The following LILRB2 variants were observed in gnomAD, a reference collection of about 807,000 sequenced individuals.
LILRB2 encodes the protein leukocyte immunoglobulin-like receptor subfamily B member 2.
In LILRB2, 47 loss-of-function variants were observed where a neutral mutation model predicts 72.7. The observed-to-expected ratio is 0.65, with a 90% confidence interval of 0.51 to 0.82. The LOEUF (loss-of-function observed/expected upper bound fraction) is 0.82. Ranked by LOEUF, LILRB2 falls within the 40% of genes least tolerant of loss-of-function variation. The probability of loss-of-function intolerance (pLI) is 0.00; values close to 1 mark genes in which losing one functional copy is unlikely to be tolerated. For missense variants in LILRB2, 767 were observed against 764.8 expected, an observed-to-expected ratio of 1.00 and a Z score of -0.03; for synonymous variants, 279 against 313.7, an observed-to-expected ratio of 0.89 and a Z score of 1.17.
intron 8 of LILRB2, 38 bp from the exon 9 acceptor site, chr19:54,277,635 C>T (rs750806441): frequency 4.5e-6 from 7 of 1,547,418 alleles, no homozygotes; most frequent in Admixed American, 2.0e-5. Context: ...GCTGGGGCTG[C>T]CCTGCTCCCC....
rs751018239 is a variant in LILRB2, at chr19:54,277,920, G to A, written c.1278C>T (p.Ser426=). ...TGGAGATGGGACCGGTGGGTGGGGG[G>A]CTGGAACCCATGGAGGGTCCTGGGT... ...LVVSGPSMGS[S]PPPTGPISTP... is the part of the protein sequence containing the mutation. Residue 426 remains serine, a synonymous_variant, in exon 8 of 14, where the codon AGC becomes AGT. Transcript: ENST00000314446. 15 of 1,538,880 alleles carry A rather than the reference G, an allele frequency of 9.7e-6. No homozygotes were observed. The South Asian group carries it at 1.6e-4, about 16-fold the overall frequency.
chr19:54,280,578 C>G, intron 1 of LILRB2, 34 bp from the exon 2 acceptor site: 1 of 1,564,126 alleles, frequency 6.4e-7, no homozygotes, highest in East Asian at 2.2e-5. Flanking sequence ...GAGAAATAGC[C>G]TCCCCTCCTT....
Position 54,273,866 on chromosome 19 carries a change from A to G in LILRB2, c.*817T>C, listed in dbSNP as rs1240260293. 2 of 151,674 alleles carry G rather than the reference A, an allele frequency of 1.3e-5. No individual in the cohort carries two copies. The highest frequency in any genetic ancestry group is 2.9e-5 in the Non-Finnish European group (2 of 67,942). The allele number at this position is 151,674 out of a possible 1,614,324, so 9.4% of individuals were successfully genotyped here. ...TACAGTCAATGTTTTTCACACACACACACACACACACACACACACATATAT... is the reference window on the plus strand; with the variant it reads ...TACAGTCAATGTTTTTCACACACACGCACACACACACACACACACATATAT... On this transcript the variant is annotated 3_prime_UTR_variant, in exon 14 of 14. Transcript: ENST00000314446.
chr19:54,278,203 G>C (rs1175704664), intron 7 of LILRB2, 57 bp downstream of exon 7: 13 of 1,600,670 alleles, frequency 8.1e-6, no homozygotes, highest in African/African-American at 8.0e-5. Context: ...GCTCTCCTGG[G>C]GGGCAGGGCC....
intron 12 of LILRB2, 49 bp downstream of exon 12, chr19:54,276,215 T>G: frequency 1.2e-6 from 2 of 1,612,276 alleles, no homozygotes; most frequent in Non-Finnish European, 1.7e-6. Flanking sequence ...TACGGAAACT[T>G]CGGGGCCCCT....
rs746435174 is a variant in LILRB2, at chr19:54,279,863, G to A, written c.283C>T (p.Arg95Ter). 2.6e-5 allele frequency: 42 copies of A among 1,613,954 alleles called. No homozygotes were observed. Among genetic ancestry groups the A allele is most frequent in the Non-Finnish European group, 3.4e-5 (40 of 1,180,022 alleles). ...CGGCTGTAATACTGACAGCCATATC[G>A]CCCTGTGTGTTCCCAGGTGATGGAT... is the stretch of plus-strand genomic sequence containing the variant. ...IPSITWEHTGRYGCQYYSRAR... is the reference protein window; with the variant it reads ...IPSITWEHTG The change falls in exon 4 of 14, where the codon CGA becomes TGA. Residue 95 changes from arginine (R) to a stop codon, truncating the protein, a stop_gained. Coordinates refer to ENST00000314446, the MANE Select transcript of LILRB2 (RefSeq NM_001080978.4). LOFTEE classifies it high-confidence loss of function.
chr19:54,274,772 G>A lies in LILRB2; in HGVS notation c.1705C>T (p.Leu569Phe). ...VTYAQLHSLT[L>F]RRKATEPPPS... ...GGAGGCTCAGTTGCCTTCCGTCTGA[G>A]GGTCAAGCTGTGCAGCTGGGCGTAG... is the stretch of plus-strand genomic sequence containing the variant. The change falls in exon 14 of 14, where the codon CTC becomes TTC. Residue 569 changes from leucine to phenylalanine, a missense_variant. Around this residue, in one of 3 missense-constraint regions of LILRB2, gnomAD observed 162 missense variants for 176.7 expected, o/e 0.92. Transcript: ENST00000314446. The A allele has an allele frequency of 1.2e-6, 2 of 1,613,834 alleles. No individual in the cohort carries two copies. Among genetic ancestry groups the A allele is most frequent in the Non-Finnish European group, 1.7e-6 (2 of 1,179,970 alleles).
At chr19:54,274,945 T>G in intron 13 of LILRB2, 116 bp from the exon 14 acceptor site, 1 of 1,610,594 alleles carries the variant, frequency 6.2e-7, no homozygotes. Context: ...TGCCTGTCTG[T>G]CCTTTGTGTC....
At chr19:54,278,239 G>A (rs755760767) in intron 7 of LILRB2, 21 bp downstream of exon 7, 8 of 1,613,558 alleles carry the variant, frequency 5.0e-6, no homozygotes, top group South Asian at 1.1e-5. Context: ...AGCTCAGAGA[G>A]GACAGGGTCA....
chr19:54,277,711 C>T (rs916073269), intron 8 of LILRB2, 114 bp from the exon 9 acceptor site: 70 of 1,368,326 alleles, frequency 5.1e-5, no homozygotes, highest in African/African-American at 2.6e-4. Flanking sequence ...GACCCCCCAC[C>T]CCTCACCAGC....
intron 3 of LILRB2, 36 bp downstream of exon 3, chr19:54,280,228 G>A: frequency 6.2e-7 from 1 of 1,613,720 alleles, no homozygotes; most frequent in Non-Finnish European, 8.5e-7. Flanking sequence ...TCCCCAGTGA[G>A]GAGGAGGGAC....
At chr19:54,276,776 C>T (rs776127897) in intron 10 of LILRB2, 31 bp downstream of exon 10, 16 of 1,604,628 alleles carry the variant, frequency 1.0e-5, no homozygotes, top group African/African-American at 2.7e-5. Flanking sequence ...CACCCTCGGT[C>T]GGCCCACAGG....
At chr19:54,275,276 T>A (rs55677309) in intron 13 of LILRB2, 2 of 678,124 alleles carry the variant, frequency 2.9e-6, no homozygotes, top group Non-Finnish European at 5.0e-6. Context: ...TGCAGCCTCA[T>A]GGGCCTTCCC....
In LILRB2 at chr19:54,274,581, C is replaced by T; in HGVS notation, c.*102G>A. The T allele has an allele frequency of 6.3e-7, 1 of 1,586,232 alleles. No homozygotes were observed. Among genetic ancestry groups the T allele is most frequent in the Non-Finnish European group, 8.6e-7 (1 of 1,163,688 alleles). On this transcript the variant is annotated 3_prime_UTR_variant, in exon 14 of 14. Transcript: ENST00000314446. Reference sequence around the variant, plus strand: ...CTCCTCATGGTCTTTGTTAGGGGTCCAGGCTGACTGGGGTTCATTGGTGTC... The same window carrying T: ...CTCCTCATGGTCTTTGTTAGGGGTCTAGGCTGACTGGGGTTCATTGGTGTC...
chr19:54,276,248 T>A lies in LILRB2; in HGVS notation c.1594+16A>T. The A allele has an allele frequency of 2.5e-6, 4 of 1,613,914 alleles. No homozygotes were observed. Among genetic ancestry groups the A allele is most frequent in the Non-Finnish European group, 3.4e-6 (4 of 1,179,918 alleles). Reference sequence around the variant, plus strand: ...CCTATCTCCCTCCTGGCTGGTCACCTCTTCCTCTCACTCACAGAGGTTTTC... The same window carrying A: ...CCTATCTCCCTCCTGGCTGGTCACCACTTCCTCTCACTCACAGAGGTTTTC... On this transcript the variant is annotated intron_variant, in intron 12 of 13. Transcript: ENST00000314446.
Position 54,279,120 on chromosome 19 carries a change from T to G in LILRB2, c.659-12A>C. ...CTTCTTAGAAACACCTGGGAAAAGGTGCTCATGGTTTCCAGGAGCCGACCC... is the reference window on the plus strand; with the variant it reads ...CTTCTTAGAAACACCTGGGAAAAGGGGCTCATGGTTTCCAGGAGCCGACCC... On this transcript the variant is annotated splice_polypyrimidine_tract_variant and intron_variant, in intron 5 of 13. Transcript: ENST00000314446. 4 of 1,608,092 alleles carry G rather than the reference T, an allele frequency of 2.5e-6. No homozygotes were observed. The highest frequency in any genetic ancestry group is 3.4e-6 in the Non-Finnish European group (4 of 1,176,004).
In LILRB2 at chr19:54,279,425, G is replaced by C. The variant is rs771929420; in HGVS notation, c.578C>G (p.Ser193Trp). 108 of 1,614,064 alleles carry C rather than the reference G, an allele frequency of 6.7e-5. 2 individuals are homozygous for C. In the South Asian group the frequency reaches 1.1e-3, roughly 16 times the overall value. Residue 193 changes from serine (S) to tryptophan (W), a missense_variant, in exon 5 of 14, where the codon TCG becomes TGG. Physicochemically the swap from Ser to Trp is radical, Grantham distance 177 (BLOSUM62 -3). Coordinates refer to ENST00000314446, the MANE Select transcript of LILRB2 (RefSeq NM_001080978.4). ...VGPVSPNRRW[S>W]HRCYGYDLNS... is the part of the protein sequence containing the mutation. Reference sequence around the variant, plus strand: ...CAAGTCATAACCATAGCACCTGTGCGACCACCTGCGATTCGGGCTCACGGG... The same window carrying C: ...CAAGTCATAACCATAGCACCTGTGCCACCACCTGCGATTCGGGCTCACGGG...
Position 54,279,838 on chromosome 19 carries a change from C to G in LILRB2, c.308G>C (p.Arg103Pro). The change falls in exon 4 of 14, where the codon CGC becomes CCC. Residue 103 changes from arginine to proline, a missense_variant. Physicochemically the swap from Arg to Pro is moderately radical, Grantham distance 103. Transcript: ENST00000314446. ...GTCACTGAGCTCAGACCACCGAGCG[C>G]GGCTGTAATACTGACAGCCATATCG... The part of the protein sequence containing the change: ...TGRYGCQYYS[R>P]ARWSELSDPL... The G allele has an allele frequency of 1.9e-6, 3 of 1,614,076 alleles. No individual in the cohort carries two copies. The highest frequency in any genetic ancestry group is 2.5e-6 in the Non-Finnish European group (3 of 1,179,982).
chr19:54,280,622 T>G, intron 1 of LILRB2, 78 bp from the exon 2 acceptor site: 10 of 1,556,902 alleles, frequency 6.4e-6, no homozygotes, highest in South Asian at 1.1e-5. Context: ...GGCTGGGTCC[T>G]TCTCATGGGG....
Sources: gnomAD v4.1 joint callset for allele counts on GRCh38, gnomAD v4.1.1 for gene constraint, gnomAD v4.1.1 regional missense constraint, MANE v1.5 for transcripts, NCBI Gene and HGNC (gene_info 2026-07-23, HGNC 2026-07-21) for gene names.